Variants in SHROOM4 observed in about 807,000 individuals in gnomAD.
SHROOM4 encodes protein Shroom4.
In SHROOM4, 17 loss-of-function variants were observed where a neutral mutation model predicts 80.3. That is an observed-to-expected ratio of 0.21 (90% CI 0.14 to 0.32). SHROOM4 has a LOEUF of 0.32. SHROOM4 is among the 10% of genes least tolerant of loss of function. SHROOM4 has a pLI of 1.00. For missense variants in SHROOM4, 993 were observed against 1,140.3 expected, an observed-to-expected ratio of 0.87 and a Z score of 1.86; for synonymous variants, 400 against 437.5, an observed-to-expected ratio of 0.91 and a Z score of 1.07.
At chrX:50,719,484 T>A (rs1482025959) in intron 1 of SHROOM4, among the ~76,000 whole-genome samples, 1 of 111,879 alleles carries the variant, frequency 8.9e-6, no homozygotes, top group Non-Finnish European at 1.9e-5. Flanking sequence ...TCCAGGAAAT[T>A]TTCCCTGGTA....
chrX:50,635,922 A>G (rs782008061), intron 3 of SHROOM4, among the ~76,000 whole-genome samples: 1 of 110,858 alleles, frequency 9.0e-6, no homozygotes, highest in Non-Finnish European at 1.9e-5. Context: ...GGAGAGCTCT[A>G]TGGGGGTTAT....
intron 7 of SHROOM4, among the ~76,000 whole-genome samples, chrX:50,601,802 T>G (rs1252794432): frequency 8.9e-6 from 1 of 112,052 alleles, no homozygotes; most frequent in Non-Finnish European, 1.9e-5. Flanking sequence ...CTTATTTTAC[T>G]TAGTCTCTTC....
chrX:50,586,315 A>AT (rs1928758658), downstream of SHROOM4, among the ~76,000 whole-genome samples: 1 of 111,796 alleles, frequency 8.9e-6, no homozygotes. Context: ...AGCTGGAAAG[A>AT]TTTTTTACTC....
At chrX:50,597,447 T>C (rs1367052637) in intron 8 of SHROOM4, among the ~76,000 whole-genome samples, 2 of 111,747 alleles carry the variant, frequency 1.8e-5, no homozygotes, top group Non-Finnish European at 1.9e-5. Flanking sequence ...GCCACCTGTA[T>C]AGGGAAAGGT....
intron 5 of SHROOM4, among the ~76,000 whole-genome samples, chrX:50,609,431 G>A (rs925310447): frequency 1.4e-4 from 16 of 111,164 alleles, no homozygotes; most frequent in Non-Finnish European, 2.6e-4. Flanking sequence ...AAGGGATAAA[G>A]TATATTATAA....
intron 2 of SHROOM4, among the ~76,000 whole-genome samples, chrX:50,642,693 G>A (rs1931649409): frequency 2.7e-5 from 3 of 111,576 alleles, no homozygotes; most frequent in African/African-American, 9.8e-5. Context: ...TTGAACTCCT[G>A]GCCTCAAGCA....
chrX:50,661,912 C>T (rs1932525283), intron 2 of SHROOM4, among the ~76,000 whole-genome samples: 1 of 111,041 alleles, frequency 9.0e-6, no homozygotes, highest in Non-Finnish European at 1.9e-5. Flanking sequence ...CCTGAAGCCC[C>T]TCAATAAAAG....
At chrX:50,715,381 C>T (rs1193608444) in intron 1 of SHROOM4, among the ~76,000 whole-genome samples, 1 of 111,657 alleles carries the variant, frequency 9.0e-6, no homozygotes, top group Admixed American at 9.5e-5. Context: ...GTGTGTTGCA[C>T]TGTTTGGGGA....
intron 1 of SHROOM4, among the ~76,000 whole-genome samples, chrX:50,713,049 C>T (rs12388990): frequency 0.027 from 2,977 of 110,622 alleles, 94 homozygotes; most frequent in African/African-American, 0.092. Flanking sequence ...GGGGAAGCAA[C>T]TCGAGAGCAG....
At chrX:50,762,163 G>A (rs899789843) in intron 1 of SHROOM4, among the ~76,000 whole-genome samples, 17 of 110,616 alleles carry the variant, frequency 1.5e-4, no homozygotes, top group African/African-American at 5.7e-4. Context: ...ATAATCTTAT[G>A]CTGTTTGAAG....
chrX:50,685,591 GA>G (rs1193116528), intron 2 of SHROOM4, among the ~76,000 whole-genome samples: 1 of 112,350 alleles, frequency 8.9e-6, no homozygotes, highest in Non-Finnish European at 1.9e-5. Context: ...TAGCAAATGT[GA>G]AACATCCCAG....
Position 50,650,419 on chromosome X carries a change from T to C in SHROOM4, c.270-12111A>G, listed in dbSNP as rs782681729. Among the ~76,000 whole-genome samples the C allele has an allele frequency of 3.2e-4, 36 of 112,227 alleles. 1 individual carries two copies. Among genetic ancestry groups the C allele is most frequent in the Admixed American group, 3.1e-3 (33 of 10,671 alleles). On this transcript the variant is annotated intron_variant, in intron 2 of 8. Coordinates refer to ENST00000376020, the MANE Select transcript of SHROOM4 (RefSeq NM_020717.5). ...AGACTGGAGTGCAGTGGTGTGATCT[T>C]GGCTCACTGCAACCTCCGCCTCCCA...
At chrX:50,617,931 G>A (rs1379054479) in intron 5 of SHROOM4, among the ~76,000 whole-genome samples, 12 of 111,608 alleles carry the variant, frequency 1.1e-4, no homozygotes, top group Admixed American at 9.5e-4. Flanking sequence ...GCCAACGTGT[G>A]TACTAGTCAT....
At chrX:50,764,919 C>T in intron 1 of SHROOM4, among the ~76,000 whole-genome samples, 1 of 112,111 alleles carries the variant, frequency 8.9e-6, no homozygotes, top group East Asian at 2.8e-4. Context: ...GCCCCACGAT[C>T]ATGGCAGAAG....
intron 2 of SHROOM4, among the ~76,000 whole-genome samples, chrX:50,661,355 G>A (rs782589420): frequency 3.7e-4 from 41 of 110,718 alleles, no homozygotes; most frequent in African/African-American, 1.3e-3. Context: ...CCAACACCAC[G>A]CCTGGCTAAT....
chrX:50,578,394 C>A, the SHROOM4 span, among the ~76,000 whole-genome samples: 1 of 112,376 alleles, frequency 8.9e-6, no homozygotes, highest in Non-Finnish European at 1.9e-5. Context: ...GCCACCTCCA[C>A]CTCCCAGGTT....
In SHROOM4 at chrX:50,814,066, C is replaced by G. The variant is rs782292015; in HGVS notation, c.-48G>C. 2 of 920,992 alleles carry G rather than the reference C, an allele frequency of 2.2e-6. No individual in the cohort carries two copies. Among genetic ancestry groups the G allele is most frequent in the Non-Finnish European group, 3.1e-6 (2 of 637,783 alleles). The allele number at this position is 920,992 out of a possible 1,213,427, so 75.9% of individuals were successfully genotyped here. ...CCGGGCTCCTTTTCCGAGGGGGCTA[C>G]GTTGCCTCCGCCCCCAGCAGCTCCG... On this transcript the variant is annotated 5_prime_UTR_variant, in exon 1 of 9. Coordinates refer to ENST00000376020, the MANE Select transcript of SHROOM4 (RefSeq NM_020717.5).
chrX:50,717,372 C>T (rs1933989066), intron 1 of SHROOM4, among the ~76,000 whole-genome samples: 1 of 111,720 alleles, frequency 9.0e-6, no homozygotes, highest in African/African-American at 3.3e-5. Context: ...CGACCGCCAC[C>T]ACACCCAGCT....
At chrX:50,732,788 A>G (rs1222299261) in intron 1 of SHROOM4, among the ~76,000 whole-genome samples, 1 of 112,531 alleles carries the variant, frequency 8.9e-6, no homozygotes, top group East Asian at 2.8e-4. Flanking sequence ...ACTATCCACA[A>G]AGATAAGCCT....
Sources: allele counts gnomAD v4.1 joint callset (sites outside exome capture counted in the v4.1 genomes callset), GRCh38; gene constraint gnomAD v4.1.1; transcripts MANE v1.5; gene names NCBI Gene and HGNC (gene_info 2026-07-23, HGNC 2026-07-21).